TRAK1: variants seen among roughly 807,000 people sequenced by gnomAD.
TRAK1 encodes trafficking kinesin protein 1, also known as trafficking kinesin-binding protein 1.
A neutral mutation model predicts 92.1 loss-of-function variants in TRAK1; 33 were observed. That is an observed-to-expected ratio of 0.36 (90% CI 0.27 to 0.48). The LOEUF is 0.48. Among genes scored for constraint, TRAK1 ranks in the 20% least tolerant of loss-of-function variants. The pLI is 0.99. For missense variants in TRAK1, 1,123 were observed against 1,257.9 expected, an observed-to-expected ratio of 0.89 and a Z score of 1.62; for synonymous variants, 521 against 517.3, an observed-to-expected ratio of 1.01 and a Z score of -0.10.
chr3:42,169,980 G>A (rs568990179), intron 2 of TRAK1, among the ~76,000 whole-genome samples: 3 of 152,314 alleles, frequency 2.0e-5, no homozygotes, highest in Admixed American at 1.3e-4. Flanking sequence ...AAGACAGTCC[G>A]TACGAGAAGG....
intron 4 of TRAK1, among the ~76,000 whole-genome samples, chr3:42,185,277 G>C (rs899470187): frequency 6.6e-6 from 1 of 152,210 alleles, no homozygotes. Flanking sequence ...GTACACAGAG[G>C]AAAGTGGTGA....
chr3:42,160,851 C>T (rs1391394320), intron 2 of TRAK1, among the ~76,000 whole-genome samples: 1 of 152,066 alleles, frequency 6.6e-6, no homozygotes, highest in Non-Finnish European at 1.5e-5. Flanking sequence ...GAAATTCATC[C>T]TTGTTGTTGC....
chr3:42,197,715 T>C (rs1279009914), intron 10 of TRAK1, among the ~76,000 whole-genome samples: 5 of 152,202 alleles, frequency 3.3e-5, no homozygotes, highest in African/African-American at 1.2e-4. Context: ...ATAAAATGCA[T>C]ATTTGTGAAC....
chr3:42,142,991 A>AT (rs952550189), intron 2 of TRAK1, among the ~76,000 whole-genome samples: 4 of 151,894 alleles, frequency 2.6e-5, no homozygotes, highest in East Asian at 3.9e-4. Flanking sequence ...GTCCCTCTTG[A>AT]TTTTTCCCTG....
chr3:42,060,238 A>G (rs1322056677), intron 1 of TRAK1, among the ~76,000 whole-genome samples: 2 of 151,294 alleles, frequency 1.3e-5, no homozygotes, highest in Non-Finnish European at 3.0e-5. Flanking sequence ...ATCAGAAGGA[A>G]TAGCTTCTAA....
chr3:42,100,268 G>C (rs549082396), intron 1 of TRAK1, among the ~76,000 whole-genome samples: 2 of 152,330 alleles, frequency 1.3e-5, no homozygotes, highest in East Asian at 3.9e-4. Context: ...TTGGGAGGCT[G>C]AGGTGGGAGG....
chr3:42,194,699 TG>T, intron 9 of TRAK1, 104 bp from the exon 10 acceptor site: 1 of 1,395,744 alleles, frequency 7.2e-7, no homozygotes. Flanking sequence ...CCACACGTGC[TG>T]GGGACTCTTA....
At chr3:42,211,613 T>C (rs898062144) in intron 14 of TRAK1, 1 of 985,264 alleles carries the variant, frequency 1.0e-6, no homozygotes, top group Non-Finnish European at 1.2e-6. Context: ...ACAGGTAGAA[T>C]AGAAGGTGAG....
chr3:42,201,475 G>T (rs1385271353), intron 12 of TRAK1, among the ~76,000 whole-genome samples: 1 of 151,774 alleles, frequency 6.6e-6, no homozygotes, highest in Non-Finnish European at 1.5e-5. Context: ...AAAAAAAGCG[G>T]ACCTTACAGT....
intron 2 of TRAK1, among the ~76,000 whole-genome samples, chr3:42,161,400 G>T (rs376863767): frequency 5.9e-4 from 89 of 151,680 alleles, no homozygotes; most frequent in African/African-American, 2.1e-3. Context: ...TTTTTGGGAC[G>T]GGGTCTCACT....
chr3:42,058,879 C>G (rs1183455795), intron 1 of TRAK1, among the ~76,000 whole-genome samples: 3 of 152,072 alleles, frequency 2.0e-5, no homozygotes, highest in East Asian at 1.9e-4. Context: ...AGACAAAATT[C>G]AATTTTAGAG....
chr3:42,217,577 AC>A, intron 14 of TRAK1: 1 of 985,364 alleles, frequency 1.0e-6, no homozygotes, highest in Non-Finnish European at 1.2e-6. Flanking sequence ...AACATTTGTG[AC>A]CTTTTGATTT....
In TRAK1 at chr3:42,097,160, T is replaced by G. The variant is rs74707781; in HGVS notation, c.91+5600T>G. ...TCCACTTAGCATACATCCATCATATTCTTTTTGCTGGCTGCCTATTTTTCA... is the reference window on the plus strand; with the variant it reads ...TCCACTTAGCATACATCCATCATATGCTTTTTGCTGGCTGCCTATTTTTCA... On this transcript the variant is annotated intron_variant, in intron 1 of 15. Coordinates refer to ENST00000327628, the MANE Select transcript of TRAK1 (RefSeq NM_001042646.3). Among the ~76,000 whole-genome samples, 810 of 152,310 alleles carry G rather than the reference T, an allele frequency of 5.3e-3. 5 individuals carry two copies. The highest frequency in any genetic ancestry group is 8.8e-3 in the Non-Finnish European group (602 of 68,028).
intron 1 of TRAK1, among the ~76,000 whole-genome samples, chr3:42,016,732 G>A (rs1701541181): frequency 6.6e-6 from 1 of 152,196 alleles, no homozygotes; most frequent in Admixed American, 6.5e-5. Context: ...AGAGTAAGCA[G>A]ATAGGTGGCC....
intron 2 of TRAK1, 35 bp downstream of exon 2, chr3:42,125,649 A>G: frequency 6.2e-7 from 1 of 1,606,670 alleles, no homozygotes; most frequent in Non-Finnish European, 8.5e-7. Context: ...TGATGGCAGT[A>G]TCATGATCAG....
intron 1 of TRAK1, among the ~76,000 whole-genome samples, chr3:42,017,829 A>T (rs1218979143): frequency 6.6e-6 from 1 of 152,038 alleles, no homozygotes; most frequent in Non-Finnish European, 1.5e-5. Flanking sequence ...TTTGGACTTA[A>T]TTTTTTTGTT....
chr3:42,027,960 G>A (rs888958896), intron 1 of TRAK1, among the ~76,000 whole-genome samples: 2 of 152,044 alleles, frequency 1.3e-5, no homozygotes, highest in Non-Finnish European at 2.9e-5. Flanking sequence ...AGCCATTCTT[G>A]TGCCTTAGCC....
chr3:42,042,180 ACCT>A (rs1702570346), intron 1 of TRAK1, among the ~76,000 whole-genome samples: 1 of 151,218 alleles, frequency 6.6e-6, no homozygotes, highest in African/African-American at 2.4e-5. Flanking sequence ...TCCCACCTTG[ACCT>A]CCCAAAGTGC....
intron 2 of TRAK1, among the ~76,000 whole-genome samples, chr3:42,175,097 T>G (rs1277151700): frequency 2.6e-5 from 4 of 152,056 alleles, no homozygotes; most frequent in Non-Finnish European, 4.4e-5. Context: ...GAGGACTCAG[T>G]TTTTTGAGGA....
Sources: allele counts gnomAD v4.1 joint callset (sites outside exome capture counted in the v4.1 genomes callset), GRCh38; gene constraint gnomAD v4.1.1; transcripts MANE v1.5; gene names NCBI Gene and HGNC (gene_info 2026-07-23, HGNC 2026-07-21).